The following RIMS1 variants were observed in gnomAD, a reference collection of about 807,000 sequenced individuals.
The protein encoded by RIMS1 is regulating synaptic membrane exocytosis 1.
RIMS1 carries 83 observed loss-of-function variants against 214.1 expected under a neutral mutation model. The ratio of observed to expected loss-of-function variants is 0.39; its 90% confidence interval spans 0.32 to 0.47. The LOEUF is 0.47. RIMS1 is among the 20% of genes least tolerant of loss of function. The probability of loss-of-function intolerance (pLI) is 0.99; values close to 1 mark genes in which losing one functional copy is unlikely to be tolerated. For synonymous variants in RIMS1, 793 were observed against 786.8 expected, an observed-to-expected ratio of 1.01 and a Z score of -0.13; for missense variants, 2,050 against 2,161.8, an observed-to-expected ratio of 0.95 and a Z score of 1.03.
In RIMS1 at chr6:72,127,152, G is replaced by A. The variant is rs551446157; in HGVS notation, c.471+27166G>A. 4.2e-4 allele frequency among the ~76,000 whole-genome samples: 64 copies of A among 152,218 alleles called. 1 individual carries two copies. The highest frequency in any genetic ancestry group is 1.3e-3 in the African/African-American group (55 of 41,520). On this transcript the variant is annotated intron_variant, in intron 4 of 33. Transcript: ENST00000521978. ...AGTATTTTTCCATATATTTTGGTGC[G>A]TAGTGATGGTATTATTGATGTTAAT...
chr6:72,365,784 T>TGAG (rs1222764658), intron 29 of RIMS1: 1 of 152,122 alleles, frequency 6.6e-6, no homozygotes, highest in Non-Finnish European at 1.5e-5. Flanking sequence ...ATTATGGAGG[T>TGAG]GAGGAGGAGC....
intron 1 of RIMS1, among the ~76,000 whole-genome samples, chr6:71,959,648 A>G (rs1000693564): frequency 6.6e-6 from 1 of 151,636 alleles, no homozygotes; most frequent in Non-Finnish European, 1.5e-5. Flanking sequence ...TCTGATAACT[A>G]TCTCTTACTG....
chr6:71,982,835 CCCTCTCTGAAGG>C (rs1798840453), intron 2 of RIMS1, among the ~76,000 whole-genome samples: 1 of 152,092 alleles, frequency 6.6e-6, no homozygotes, highest in Non-Finnish European at 1.5e-5. Context: ...AGAGCACCTG[CCCTCTCTGAAGG>C]CCTTTAGGTC....
At chr6:72,046,859 A>G (rs903432001) in intron 2 of RIMS1, among the ~76,000 whole-genome samples, 1 of 152,146 alleles carries the variant, frequency 6.6e-6, no homozygotes, top group African/African-American at 2.4e-5. Context: ...ACTATAAGCT[A>G]TAGTGTTATA....
At chr6:72,208,801 ATATC>A (rs2053341239) in intron 6 of RIMS1, among the ~76,000 whole-genome samples, 1 of 152,140 alleles carries the variant, frequency 6.6e-6, no homozygotes, top group Admixed American at 6.5e-5. Flanking sequence ...TTCTCTCCAA[ATATC>A]TTAAAAATAT....
At chr6:72,223,676 G>C (rs577943795) in intron 6 of RIMS1, among the ~76,000 whole-genome samples, 1 of 151,968 alleles carries the variant, frequency 6.6e-6, no homozygotes, top group Non-Finnish European at 1.5e-5. Context: ...GGCCAGGTGC[G>C]GTGGCTCACA....
chr6:72,332,428 C>T (rs982452487), intron 28 of RIMS1, among the ~76,000 whole-genome samples: 1 of 149,210 alleles, frequency 6.7e-6, no homozygotes, highest in Non-Finnish European at 1.5e-5. Flanking sequence ...AGTAAACTAT[C>T]GCAAGGACAA....
chr6:72,323,740 A>AT (rs1355137077), intron 28 of RIMS1, among the ~76,000 whole-genome samples: 1 of 151,916 alleles, frequency 6.6e-6, no homozygotes, highest in Non-Finnish European at 1.5e-5. Flanking sequence ...ACCCAATAAT[A>AT]TATGTAAGAG....
chr6:71,928,808 T>C (rs1263478371), intron 1 of RIMS1, among the ~76,000 whole-genome samples: 2 of 152,030 alleles, frequency 1.3e-5, no homozygotes, highest in East Asian at 3.9e-4. Context: ...CTTAGTAGAG[T>C]CATCCAGATG....
rs140183815 is a variant in RIMS1, at chr6:71,988,093, G to A, written c.245+19030G>A. On this transcript the variant is annotated intron_variant, in intron 2 of 33. Coordinates refer to ENST00000521978, the MANE Select transcript of RIMS1 (RefSeq NM_014989.7). ...TTTTTTTTTCTTCCAATTCTGAAAG[G>A]ATGCTTAATCATTTGTCCCATTATT... Among the ~76,000 whole-genome samples the A allele has an allele frequency of 1.8e-3, 275 of 152,116 alleles. 9 individuals carry two copies. In the East Asian group the frequency reaches 0.04, roughly 22 times the overall value.
Position 72,292,054 on chromosome 6 carries a change from A to G in RIMS1, c.3850+8A>G. On this transcript the variant is annotated splice_region_variant and intron_variant, in intron 26 of 33. Coordinates refer to ENST00000521978, the MANE Select transcript of RIMS1 (RefSeq NM_014989.7). The stretch of plus-strand genomic sequence containing the variant: ...GCGGCAGTATAGAACAAGGTATCCG[A>G]TAAAGAGAGATCATTGTCCAAAAAT... 6.5e-7 allele frequency: 1 copy of G among 1,528,020 alleles called. No individual in the cohort carries two copies. The highest frequency in any genetic ancestry group is 8.9e-7 in the Non-Finnish European group (1 of 1,127,644). 94.7% of individuals were successfully genotyped at this position (1,528,020 alleles called of 1,614,324 possible).
At chr6:72,142,141 G>T (rs947629156) in intron 4 of RIMS1, among the ~76,000 whole-genome samples, 2 of 151,504 alleles carry the variant, frequency 1.3e-5, no homozygotes, top group South Asian at 2.1e-4. Flanking sequence ...ATTTAATCTG[G>T]CCCCTCTAAA....
At chr6:72,383,927 A>T (rs551562315) in intron 29 of RIMS1, among the ~76,000 whole-genome samples, 3 of 152,324 alleles carry the variant, frequency 2.0e-5, no homozygotes, top group African/African-American at 7.2e-5. Context: ...TACTTACTTG[A>T]TACTTTGTTT....
chr6:72,092,026 A>G (rs1714585834), intron 2 of RIMS1, among the ~76,000 whole-genome samples: 3 of 152,256 alleles, frequency 2.0e-5, no homozygotes. Context: ...CATCAGATAC[A>G]AAAAATAAAT....
At chr6:71,960,314 G>C (rs1336153710) in intron 1 of RIMS1, among the ~76,000 whole-genome samples, 2 of 152,028 alleles carry the variant, frequency 1.3e-5, no homozygotes, top group Non-Finnish European at 2.9e-5. Context: ...GTTTTCAATG[G>C]GGCACATAAG....
At chr6:72,368,383 G>A (rs934907935) in intron 29 of RIMS1, among the ~76,000 whole-genome samples, 1 of 137,306 alleles carries the variant, frequency 7.3e-6, no homozygotes, top group African/African-American at 2.8e-5. Flanking sequence ...CTCACTGTAA[G>A]CTCCGCCTCA....
intron 19 of RIMS1, chr6:72,263,504 TA>T (rs1336194370): frequency 1.6e-4 from 155 of 984,806 alleles, no homozygotes; most frequent in Non-Finnish European, 1.8e-4. Context: ...ATTCAGACTA[TA>T]AATTTTGTGC....
At chr6:72,301,418 A>G (rs1267164099) in intron 26 of RIMS1, among the ~76,000 whole-genome samples, 1 of 151,778 alleles carries the variant, frequency 6.6e-6, no homozygotes, top group Non-Finnish European at 1.5e-5. Context: ...AAGGATCAAC[A>G]TGAAAATAAA....
intron 2 of RIMS1, among the ~76,000 whole-genome samples, chr6:72,006,374 C>A (rs532043893): frequency 6.6e-6 from 1 of 152,294 alleles, no homozygotes; most frequent in Admixed American, 6.5e-5. Context: ...CAAATAGGAA[C>A]AGCTCCAGTC....
Sources: allele counts gnomAD v4.1 joint callset (sites outside exome capture counted in the v4.1 genomes callset), GRCh38; gene constraint gnomAD v4.1.1; transcripts MANE v1.5; gene names NCBI Gene and HGNC (gene_info 2026-07-23, HGNC 2026-07-21).